MAGI3: variants seen among roughly 807,000 people sequenced by gnomAD.
MAGI3 encodes membrane associated guanylate kinase, WW and PDZ domain containing 3.
MAGI3 carries 43 observed loss-of-function variants against 121.8 expected under a neutral mutation model. The ratio of observed to expected loss-of-function variants is 0.35; its 90% CI spans 0.28 to 0.46. The LOEUF is 0.46. Among genes scored for constraint, MAGI3 ranks in the 20% least tolerant of loss-of-function variants. MAGI3 has a pLI of 1.00. For missense variants in MAGI3, 1,547 were observed against 1,797.3 expected (o/e 0.86, Z 2.52); for synonymous variants, 553 against 639.3 (o/e 0.86, Z 2.04).
At chr1:113,577,061 A>G (rs1026776586) in intron 2 of MAGI3, among the ~76,000 whole-genome samples, 1 of 152,192 alleles carries the variant, frequency 6.6e-6, no homozygotes, top group Non-Finnish European at 1.5e-5. Context: ...AGTTGGTACA[A>G]TCATTAAAAA....
rs904487951 is a variant in MAGI3, at chr1:113,438,701, C to T, written c.316+47352C>T. Among the ~76,000 whole-genome samples, 4 of 152,246 alleles carry T rather than the reference C, an allele frequency of 2.6e-5. No homozygotes were observed. In the South Asian group the frequency reaches 6.2e-4, roughly 24 times the overall value. On this transcript the variant is annotated intron_variant, in intron 1 of 20. Coordinates refer to ENST00000307546, the MANE Select transcript of MAGI3 (RefSeq NM_001142782.2). ...GCCTCTTTAAGGCAACTAGCTCTTA[C>T]GTAAACTAATACAGTGAGAATTCAC...
rs747040288 is a variant in MAGI3 at position 113,681,254 on chromosome 1, T to C, written c.3246T>C (p.Thr1082=). ...AACCTACACAAGGAATCACACATAC[T>C]CGAGCAATTGAGCTCATTCAGGCTG... The part of the protein sequence containing the change: ...NGEPTQGITH[T]RAIELIQAGG... The change falls in exon 20 of 21, where the codon ACT becomes ACC. Residue 1082 remains threonine, a synonymous_variant. Coordinates refer to ENST00000307546, the MANE Select transcript of MAGI3 (RefSeq NM_001142782.2). 1 of 1,614,146 alleles carries C rather than the reference T, an allele frequency of 6.2e-7. No individual in the cohort carries two copies.
intron 17 of MAGI3, 97 bp downstream of exon 17, chr1:113,671,933 C>A: frequency 2.8e-6 from 3 of 1,080,090 alleles, no homozygotes; most frequent in Non-Finnish European, 2.8e-6. Context: ...CACCCCCATG[C>A]AGTAATGCAG....
chr1:113,492,545 G>T (rs1363214747), intron 1 of MAGI3, among the ~76,000 whole-genome samples: 1 of 152,120 alleles, frequency 6.6e-6, no homozygotes, highest in African/African-American at 2.4e-5. Context: ...TGAAAGTCCT[G>T]GTCAGGGCAA....
chr1:113,414,724 A>G (rs1401845966), intron 1 of MAGI3, among the ~76,000 whole-genome samples: 2 of 151,960 alleles, frequency 1.3e-5, no homozygotes, highest in Non-Finnish European at 1.5e-5. Context: ...AAGAATGTTG[A>G]GTCTTCTATT....
chr1:113,676,124 T>C (rs1302494297), intron 19 of MAGI3, among the ~76,000 whole-genome samples: 1 of 152,112 alleles, frequency 6.6e-6, no homozygotes, highest in Non-Finnish European at 1.5e-5. Context: ...GTTTCAATGC[T>C]TCTATTGTAA....
chr1:113,667,133 A>T (rs990310181), intron 16 of MAGI3, among the ~76,000 whole-genome samples: 10 of 152,156 alleles, frequency 6.6e-5, no homozygotes, highest in African/African-American at 2.2e-4. Context: ...TGAGCACATG[A>T]ATTTACCAGC....
intron 19 of MAGI3, among the ~76,000 whole-genome samples, chr1:113,680,069 C>A (rs1648123056): frequency 6.6e-6 from 1 of 152,164 alleles, no homozygotes; most frequent in Non-Finnish European, 1.5e-5. Context: ...AATAAGTGTT[C>A]ATATTAATCT....
intron 4 of MAGI3, among the ~76,000 whole-genome samples, chr1:113,589,691 G>A (rs1034172904): frequency 2.0e-5 from 3 of 152,072 alleles, no homozygotes; most frequent in Non-Finnish European, 4.4e-5. Flanking sequence ...CAGATTCTCT[G>A]AATCTGAGCC....
chr1:113,391,367 A>G lies in MAGI3; in HGVS notation c.316+18A>G. On this transcript the variant is annotated intron_variant, in intron 1 of 20. Transcript: ENST00000307546. The surrounding 1 kb of genome is among the most constrained non-coding windows in gnomAD (Gnocchi z 4.4). Reference sequence around the variant, plus strand: ...GAAACCAGGTACGCCGGCCCTGCGTATCTGTCTCGGGGTGTTGGGGAGAGG... The same window carrying G: ...GAAACCAGGTACGCCGGCCCTGCGTGTCTGTCTCGGGGTGTTGGGGAGAGG... 6.3e-7 allele frequency: 1 copy of G among 1,575,386 alleles called. No homozygotes were observed. The highest frequency in any genetic ancestry group is 8.6e-7 in the Non-Finnish European group (1 of 1,161,810).
intron 2 of MAGI3, among the ~76,000 whole-genome samples, chr1:113,550,990 A>C (rs1477482526): frequency 1.3e-5 from 2 of 150,416 alleles, no homozygotes; most frequent in Admixed American, 6.6e-5. Flanking sequence ...AGAAAAAGGA[A>C]AGGGACTCTC....
At chr1:113,491,033 T>G (rs2101581580) in intron 1 of MAGI3, among the ~76,000 whole-genome samples, 1 of 152,222 alleles carries the variant, frequency 6.6e-6, no homozygotes, top group East Asian at 1.9e-4. Flanking sequence ...ATGGACCTGA[T>G]CAACATCCAC....
chr1:113,664,956 C>T (rs1022910529), intron 16 of MAGI3, among the ~76,000 whole-genome samples: 10 of 152,172 alleles, frequency 6.6e-5, no homozygotes, highest in African/African-American at 2.2e-4. Context: ...GTTCTTTGAC[C>T]ATGGTACCCT....
chr1:113,635,467 G>A (rs1172256883), intron 9 of MAGI3, among the ~76,000 whole-genome samples: 2 of 152,164 alleles, frequency 1.3e-5, no homozygotes, highest in African/African-American at 4.8e-5. Context: ...GGCCTTTTCT[G>A]CATCTATTGA....
intron 1 of MAGI3, among the ~76,000 whole-genome samples, chr1:113,525,809 C>G (rs1439898465): frequency 1.3e-5 from 2 of 152,036 alleles, no homozygotes; most frequent in South Asian, 2.1e-4. Context: ...TGAGACCATC[C>G]TGGCCAACAT....
chr1:113,475,644 T>C (rs1380383136), intron 1 of MAGI3, among the ~76,000 whole-genome samples: 1 of 152,240 alleles, frequency 6.6e-6, no homozygotes, highest in Non-Finnish European at 1.5e-5. Context: ...CAGTATTTTA[T>C]TGAGGATTTT....
At chr1:113,515,216 T>C (rs1657831520) in intron 1 of MAGI3, among the ~76,000 whole-genome samples, 1 of 152,132 alleles carries the variant, frequency 6.6e-6, no homozygotes, top group African/African-American at 2.4e-5. Flanking sequence ...CCTTTGATGT[T>C]TGCCATTTTG....
intron 19 of MAGI3, among the ~76,000 whole-genome samples, chr1:113,675,013 G>A (rs2101027148): frequency 6.6e-6 from 1 of 152,308 alleles, no homozygotes; most frequent in African/African-American, 2.4e-5. Context: ...AAATGGTTGA[G>A]TTTACTTAGA....
chr1:113,431,765 A>G (rs1419049707), intron 1 of MAGI3, among the ~76,000 whole-genome samples: 2 of 152,202 alleles, frequency 1.3e-5, no homozygotes, highest in Non-Finnish European at 2.9e-5. Context: ...TGAATATCAT[A>G]ATTATGTCAT....
Sources: allele counts gnomAD v4.1 joint callset (sites outside exome capture counted in the v4.1 genomes callset), GRCh38; gene constraint gnomAD v4.1.1; non-coding constraint Gnocchi (gnomAD v3.1); transcripts MANE v1.5; gene names NCBI Gene and HGNC (gene_info 2026-07-23, HGNC 2026-07-21).